The following DLG2 variants were observed in gnomAD, a reference collection of about 807,000 sequenced individuals.
DLG2 encodes disks large homolog 2.
In DLG2, 45 loss-of-function variants were observed where a neutral mutation model predicts 132.5. The ratio of observed to expected loss-of-function variants is 0.34; its 90% CI spans 0.27 to 0.44. The LOEUF is 0.44. DLG2 is among the 20% of genes least tolerant of loss of function. The pLI is 1.00. For missense variants in DLG2, 1,045 were observed against 1,196.9 expected, an observed-to-expected ratio of 0.87 and a Z score of 1.87; for synonymous variants, 424 against 419.6, an observed-to-expected ratio of 1.01 and a Z score of -0.13.
intron 6 of DLG2, among the ~76,000 whole-genome samples, chr11:84,804,164 C>T (rs565810018): frequency 2.0e-4 from 31 of 152,262 alleles, no homozygotes; most frequent in Non-Finnish European, 4.0e-4. Flanking sequence ...CTAGTCTTTG[C>T]CATACATGCC....
At chr11:84,693,207 A>G (rs1220346514) in intron 6 of DLG2, among the ~76,000 whole-genome samples, 7 of 151,848 alleles carry the variant, frequency 4.6e-5, no homozygotes, top group Non-Finnish European at 1.0e-4. Context: ...GTGGAAAGTA[A>G]GACCACATAA....
At chr11:84,086,403 G>GTT (rs1481026478) in intron 10 of DLG2, among the ~76,000 whole-genome samples, 1 of 151,094 alleles carries the variant, frequency 6.6e-6, no homozygotes, top group Non-Finnish European at 1.5e-5. Flanking sequence ...ATAATTCAGT[G>GTT]TTTTTTTAGT....
intron 18 of DLG2, among the ~76,000 whole-genome samples, chr11:83,761,731 C>T (rs970949945): frequency 1.3e-5 from 2 of 152,172 alleles, no homozygotes; most frequent in Non-Finnish European, 2.9e-5. Context: ...CCCTTGACAA[C>T]GTGCTGTTGT....
intron 4 of DLG2, among the ~76,000 whole-genome samples, chr11:85,265,268 T>A (rs999110460): frequency 1.3e-5 from 2 of 152,216 alleles, no homozygotes; most frequent in Admixed American, 6.5e-5. Flanking sequence ...GTCATATACA[T>A]AACTTCCATT....
chr11:83,468,700 T>A (rs2091561293), intron 25 of DLG2, among the ~76,000 whole-genome samples: 1 of 152,110 alleles, frequency 6.6e-6, no homozygotes, highest in Non-Finnish European at 1.5e-5. Flanking sequence ...CATTCTTCTC[T>A]TTTCCATGCC....
At chr11:84,293,852 A>G (rs2098046022) in intron 7 of DLG2, among the ~76,000 whole-genome samples, 1 of 152,188 alleles carries the variant, frequency 6.6e-6, no homozygotes, top group Non-Finnish European at 1.5e-5. Flanking sequence ...TTTAAAAAAC[A>G]TTGTCTAAAA....
chr11:83,756,204 T>G (rs2093637504), intron 18 of DLG2, among the ~76,000 whole-genome samples: 2 of 151,302 alleles, frequency 1.3e-5, no homozygotes, highest in South Asian at 4.1e-4. Context: ...TTTATAATTA[T>G]TTCACAGGAG....
intron 17 of DLG2, among the ~76,000 whole-genome samples, chr11:83,828,043 G>C (rs979293181): frequency 6.6e-6 from 1 of 152,238 alleles, no homozygotes; most frequent in Non-Finnish European, 1.5e-5. Context: ...TTGGAATTCT[G>C]GTGGGGATAA....
intron 11 of DLG2, among the ~76,000 whole-genome samples, chr11:84,009,557 G>C (rs1433944762): frequency 1.3e-5 from 2 of 152,002 alleles, no homozygotes; most frequent in Non-Finnish European, 2.9e-5. Context: ...TCAAAAGTGA[G>C]TTTTTATTTG....
chr11:83,938,184 T>G (rs1304517854), intron 14 of DLG2, among the ~76,000 whole-genome samples: 1 of 152,230 alleles, frequency 6.6e-6, no homozygotes, highest in Admixed American at 6.5e-5. Flanking sequence ...GGAAAATGCT[T>G]TATTTTATAA....
chr11:84,763,680 G>C (rs2067977073), intron 6 of DLG2, among the ~76,000 whole-genome samples: 1 of 152,112 alleles, frequency 6.6e-6, no homozygotes, highest in East Asian at 1.9e-4. Context: ...CCTCCCTCAG[G>C]AGAAGAAAGA....
At chr11:84,731,819 C>A (rs992304281) in intron 6 of DLG2, among the ~76,000 whole-genome samples, 1 of 151,972 alleles carries the variant, frequency 6.6e-6, no homozygotes, top group African/African-American at 2.4e-5. Context: ...ACATTTAAAT[C>A]TGGTAATTTT....
At chr11:85,455,225 C>A (rs1343130530) in intron 3 of DLG2, among the ~76,000 whole-genome samples, 3 of 152,044 alleles carry the variant, frequency 2.0e-5, no homozygotes, top group African/African-American at 7.2e-5. Flanking sequence ...ATTGTCCTTG[C>A]AGAGATTTTA....
At chr11:84,399,941 G>T (rs1027685906) in intron 7 of DLG2, among the ~76,000 whole-genome samples, 1 of 152,102 alleles carries the variant, frequency 6.6e-6, no homozygotes, top group Non-Finnish European at 1.5e-5. Context: ...TCAATATATC[G>T]ACTGCTAGAA....
At chr11:85,133,146 G>C (rs1351593299) in intron 5 of DLG2, 1 of 185,408 alleles carries the variant, frequency 5.4e-6, no homozygotes, top group Non-Finnish European at 1.2e-5. Context: ...GTAACACCAA[G>C]CACCAGGGAA....
intron 6 of DLG2, chr11:84,923,166 G>A (rs775754008): frequency 6.2e-7 from 1 of 1,612,712 alleles, no homozygotes; most frequent in East Asian, 2.2e-5. Flanking sequence ...TCTCAGCACA[G>A]CGCAAGCCCC....
intron 16 of DLG2, among the ~76,000 whole-genome samples, chr11:83,852,759 C>T (rs1029799144): frequency 6.6e-6 from 1 of 152,156 alleles, no homozygotes; most frequent in Non-Finnish European, 1.5e-5. Flanking sequence ...CTAGGGGAGG[C>T]TTTACATAAC....
At chr11:83,617,395 C>T (rs907619948) in intron 19 of DLG2, among the ~76,000 whole-genome samples, 1 of 152,080 alleles carries the variant, frequency 6.6e-6, no homozygotes, top group African/African-American at 2.4e-5. Context: ...GTTTTTCACT[C>T]CTACTGTCAA....
intron 3 of DLG2, among the ~76,000 whole-genome samples, chr11:85,345,744 T>A (rs1341459275): frequency 6.6e-6 from 1 of 152,056 alleles, no homozygotes; most frequent in Non-Finnish European, 1.5e-5. Flanking sequence ...AGCCTGATAA[T>A]AGGATCAAGA....
Sources: gnomAD v4.1 joint callset for allele counts (sites outside exome capture counted in the v4.1 genomes callset) on GRCh38, gnomAD v4.1.1 for gene constraint, MANE v1.5 for transcripts, NCBI Gene and HGNC (gene_info 2026-07-23, HGNC 2026-07-21) for gene names.